Variants in PSD3 observed in about 807,000 individuals in gnomAD.
PSD3 encodes the protein pleckstrin and Sec7 domain containing 3, also known as PH and SEC7 domain-containing protein 3.
PSD3 carries 49 observed loss-of-function variants against 105.5 expected under a neutral mutation model. The ratio of observed to expected loss-of-function variants is 0.46; its 90% CI spans 0.37 to 0.59. The LOEUF (loss-of-function observed/expected upper bound fraction) is 0.59, where lower values mean the gene tolerates loss of function less well. Among genes scored for constraint, PSD3 ranks in the 20% least tolerant of loss-of-function variants. PSD3 has a pLI of 0.00. For synonymous variants in PSD3, 557 were observed against 457.8 expected (o/e 1.22, Z -2.77); for missense variants, 1,561 against 1,263.8 (o/e 1.24, Z -3.57).
intron 9 of PSD3, among the ~76,000 whole-genome samples, chr8:18,677,913 A>G (rs200773100): frequency 2.6e-4 from 39 of 151,742 alleles, no homozygotes; most frequent in East Asian, 2.2e-3. Flanking sequence ...GGGAGGCTGA[A>G]GCAGGAGAGT....
Position 18,533,479 on chromosome 8 carries a change from T to A in PSD3, c.*2264A>T, listed in dbSNP as rs1009645004. 10 of 152,336 alleles carry A rather than the reference T, an allele frequency of 6.6e-5. No homozygotes were observed. In the East Asian group the frequency reaches 1.9e-3, roughly 29 times the overall value. 9.4% of individuals were successfully genotyped at this position (152,336 alleles called of 1,614,324 possible). ...TCATATGACACGGACAGTGCTATAGTGGTGCTGATGCTAGCCGAGTATTTC... is the reference window on the plus strand; with the variant it reads ...TCATATGACACGGACAGTGCTATAGAGGTGCTGATGCTAGCCGAGTATTTC... On this transcript the variant is annotated 3_prime_UTR_variant, in exon 16 of 16. Coordinates refer to ENST00000327040, the MANE Select transcript of PSD3 (RefSeq NM_015310.4).
intron 2 of PSD3, among the ~76,000 whole-genome samples, chr8:18,895,140 C>G (rs1432221921): frequency 6.6e-6 from 1 of 152,214 alleles, no homozygotes; most frequent in African/African-American, 2.4e-5. Context: ...ATCAAGGAAG[C>G]CTGCTCTCTG....
chr8:18,859,604 G>A (rs1411049214), intron 4 of PSD3, among the ~76,000 whole-genome samples: 1 of 152,210 alleles, frequency 6.6e-6, no homozygotes, highest in African/African-American at 2.4e-5. Context: ...AATTATCCCA[G>A]CTAGATCTTC....
At chr8:19,067,160 G>A (rs1000461337) in intron 1 of PSD3, among the ~76,000 whole-genome samples, 21 of 152,206 alleles carry the variant, frequency 1.4e-4, no homozygotes, top group African/African-American at 5.1e-4. Flanking sequence ...TGTAAACTGA[G>A]AGAAATCAGT....
At chr8:18,824,610 C>G (rs1043779147) in intron 4 of PSD3, among the ~76,000 whole-genome samples, 1 of 152,196 alleles carries the variant, frequency 6.6e-6, no homozygotes, top group Non-Finnish European at 1.5e-5. Context: ...AAATTAAATT[C>G]TGCGCAATTC....
At chr8:18,618,178 A>G (rs1805834606) in intron 11 of PSD3, among the ~76,000 whole-genome samples, 1 of 151,800 alleles carries the variant, frequency 6.6e-6, no homozygotes, top group African/African-American at 2.4e-5. Flanking sequence ...CAAGCAATTG[A>G]CAATCAGGAA....
intron 9 of PSD3, among the ~76,000 whole-genome samples, chr8:18,755,305 C>G (rs1257246161): frequency 1.3e-5 from 2 of 152,068 alleles, no homozygotes; most frequent in Non-Finnish European, 2.9e-5. Flanking sequence ...TGGCACGCGC[C>G]TGTAATCTCA....
rs372040916 is a variant in PSD3 at position 18,867,707 on chromosome 8, G to T, written c.1601C>A (p.Thr534Lys). 1.2e-6 allele frequency: 2 copies of T among 1,613,862 alleles called. No individual in the cohort carries two copies. The highest frequency in any genetic ancestry group is 2.2e-5 in the East Asian group (1 of 44,868). Residue 534 changes from threonine to lysine, a missense_variant, in exon 4 of 16, where the codon ACG becomes AAG. By Grantham distance (78) the Thr-to-Lys change is moderately conservative. Coordinates refer to ENST00000327040, the MANE Select transcript of PSD3 (RefSeq NM_015310.4). ...GAAAGCAATCTCCGGGGTGCCTTTC[G>T]TGTAGATGGAGTCGCTGGCATCATT... is the stretch of plus-strand genomic sequence containing the variant. Reference protein sequence around the residue: ...GLNDASDSIYTKGTPEIAFWG... With the variant: ...GLNDASDSIYKKGTPEIAFWG...
At chr8:18,900,187 A>G (rs1387943071) in intron 2 of PSD3, among the ~76,000 whole-genome samples, 2 of 152,042 alleles carry the variant, frequency 1.3e-5, no homozygotes, top group African/African-American at 4.8e-5. Context: ...CTGGCATTAC[A>G]TTCTCCAAGT....
At chr8:18,560,451 T>C (rs567777505) in intron 14 of PSD3, among the ~76,000 whole-genome samples, 2 of 152,210 alleles carry the variant, frequency 1.3e-5, no homozygotes, top group South Asian at 4.2e-4. Context: ...CAAAATAGAT[T>C]TCAGAGATGG....
At chr8:18,648,743 GAGA>G (rs1439834724) in intron 10 of PSD3, among the ~76,000 whole-genome samples, 1 of 152,202 alleles carries the variant, frequency 6.6e-6, no homozygotes, top group Non-Finnish European at 1.5e-5. Context: ...AGGCTTAGGA[GAGA>G]AGAATGGTTT....
intron 1 of PSD3, among the ~76,000 whole-genome samples, chr8:19,032,901 C>G (rs1045771966): frequency 5.3e-5 from 8 of 151,904 alleles, no homozygotes; most frequent in African/African-American, 1.9e-4. Flanking sequence ...GTTTAATGGT[C>G]AAAAAAGTTT....
chr8:18,695,465 T>C (rs544843772), intron 9 of PSD3, among the ~76,000 whole-genome samples: 1 of 152,246 alleles, frequency 6.6e-6, no homozygotes, highest in East Asian at 1.9e-4. Flanking sequence ...AGAAGACCCC[T>C]GAAGGATTCC....
chr8:18,796,213 A>G (rs1296570530), intron 8 of PSD3, among the ~76,000 whole-genome samples: 1 of 152,028 alleles, frequency 6.6e-6, no homozygotes, highest in African/African-American at 2.4e-5. Context: ...TATCTAGCCT[A>G]ATTAGAGAAG....
At chr8:18,679,007 A>T (rs370453139) in intron 9 of PSD3, among the ~76,000 whole-genome samples, 120,986 of 150,922 alleles carry the variant, frequency 0.8, 52,255 homozygotes, top group Non-Finnish European at 0.97. Flanking sequence ...CCTTCAACTT[A>T]GGAATAACAA....
rs60227900 is a variant in PSD3, at chr8:18,642,202, T to C, written c.2217-9396A>G. 4.1e-3 allele frequency among the ~76,000 whole-genome samples: 627 copies of C among 152,240 alleles called. 3 individuals are homozygous for C. Among genetic ancestry groups the C allele is most frequent in the African/African-American group, 0.015 (611 of 41,550 alleles). ...CAAACTTAACCAATGGTTAAAAAAG[T>C]TTCTGAAAATACACTGGGGTCAAGC... On this transcript the variant is annotated intron_variant, in intron 10 of 15. Coordinates refer to ENST00000327040, the MANE Select transcript of PSD3 (RefSeq NM_015310.4).
At chr8:18,819,223 G>T (rs1363467362) in intron 4 of PSD3, among the ~76,000 whole-genome samples, 1 of 152,090 alleles carries the variant, frequency 6.6e-6, no homozygotes, top group East Asian at 1.9e-4. Flanking sequence ...CTTTCCAGAG[G>T]GTAGGTTTAG....
chr8:18,554,201 G>A (rs891451005), intron 15 of PSD3, among the ~76,000 whole-genome samples: 1 of 152,170 alleles, frequency 6.6e-6, no homozygotes, highest in South Asian at 2.1e-4. Flanking sequence ...GAGGTGCTGA[G>A]TGCTGGAAGC....
chr8:18,930,071 C>A (rs1821638527), intron 2 of PSD3, among the ~76,000 whole-genome samples: 1 of 152,014 alleles, frequency 6.6e-6, no homozygotes, highest in Admixed American at 6.6e-5. Context: ...AAGTAAAAAC[C>A]ATTTTTAAAA....
Sources: gnomAD v4.1 joint callset for allele counts (sites outside exome capture counted in the v4.1 genomes callset) on GRCh38, gnomAD v4.1.1 for gene constraint, MANE v1.5 for transcripts, NCBI Gene and HGNC (gene_info 2026-07-23, HGNC 2026-07-21) for gene names.